PTPN2: variants seen among roughly 807,000 people sequenced by gnomAD.
PTPN2 encodes the protein protein tyrosine phosphatase non-receptor type 2, also known as tyrosine-protein phosphatase non-receptor type 2.
In PTPN2, 19 loss-of-function variants were observed where a neutral mutation model predicts 57.3. The observed-to-expected ratio is 0.33, with a 90% CI of 0.23 to 0.49. The LOEUF (loss-of-function observed/expected upper bound fraction) is 0.49. Ranked by LOEUF, PTPN2 falls within the 20% of genes least tolerant of loss-of-function variation. PTPN2 has a pLI of 0.99. For missense variants in PTPN2, 358 were observed against 501.1 expected, an observed-to-expected ratio of 0.71 and a Z score of 2.73; for synonymous variants, 153 against 164.9, an observed-to-expected ratio of 0.93 and a Z score of 0.55.
chr18:12,872,698 A>T (rs2044311790), intron 1 of PTPN2, among the ~76,000 whole-genome samples: 1 of 151,286 alleles, frequency 6.6e-6, no homozygotes, highest in Non-Finnish European at 1.5e-5. Flanking sequence ...TTGTGCGGAC[A>T]TTTCCTCTCA....
At chr18:12,828,784 T>C (rs1425221903) in intron 4 of PTPN2, among the ~76,000 whole-genome samples, 1 of 152,226 alleles carries the variant, frequency 6.6e-6, no homozygotes, top group Non-Finnish European at 1.5e-5. Context: ...TGCTGTGATC[T>C]TGAAATACTG....
chr18:12,816,669 G>A (rs1399666180), intron 6 of PTPN2, among the ~76,000 whole-genome samples: 1 of 152,164 alleles, frequency 6.6e-6, no homozygotes, highest in African/African-American at 2.4e-5. Context: ...CCTCAGGGGA[G>A]TAACAGTAAT....
downstream of PTPN2, among the ~76,000 whole-genome samples, chr18:12,788,432 C>CTTT (rs71174142): frequency 2.8e-4 from 25 of 90,100 alleles, 3 homozygotes; most frequent in African/African-American, 6.0e-4. Context: ...GGGATCAGGG[C>CTTT]TTTTTTTTTT....
intron 6 of PTPN2, among the ~76,000 whole-genome samples, chr18:12,816,487 GAAGTA>G (rs1428827795): frequency 1.3e-5 from 2 of 152,180 alleles, no homozygotes; most frequent in Admixed American, 6.5e-5. Context: ...ATAAGAGGAA[GAAGTA>G]AAGACAGAAG....
At chr18:12,871,518 T>C (rs995788191) in intron 1 of PTPN2, among the ~76,000 whole-genome samples, 1 of 152,010 alleles carries the variant, frequency 6.6e-6, no homozygotes, top group Non-Finnish European at 1.5e-5. Flanking sequence ...GTTTTTGTTA[T>C]ATATTGAAAA....
At chr18:12,792,139 G>C (rs1276951845), downstream of PTPN2, 1 of 799,550 alleles carries the variant, frequency 1.3e-6, no homozygotes, top group African/African-American at 1.9e-5. Flanking sequence ...TACTGAATCA[G>C]GACACAGGCA....
rs1195849933 is a variant in PTPN2 at position 12,878,640 on chromosome 18, C to T, written c.69+5433G>A. ...TGAGCTGAGATCACACTACTGCACT[C>T]CAGCCTGGGGGACAGAGCAAGACTT... On this transcript the variant is annotated intron_variant, in intron 1 of 8. Transcript: ENST00000309660. Among the ~76,000 whole-genome samples, 4 of 152,250 alleles carry T rather than the reference C, an allele frequency of 2.6e-5. No individual in the cohort carries two copies. In the East Asian group the frequency reaches 7.7e-4, roughly 29 times the overall value.
Position 12,835,382 on chromosome 18 carries a change from C to CTTTTTTTTTTTTTTTTTTTTT in PTPN2, c.261+1408_261+1409insAAAAAAAAAAAAAAAAAAAAA, listed in dbSNP as rs60239177. Among the ~76,000 whole-genome samples, 23 of 99,014 alleles carry CTTTTTTTTTTTTTTTTTTTTT rather than the reference C, an allele frequency of 2.3e-4. 2 individuals are homozygous for CTTTTTTTTTTTTTTTTTTTTT. Among genetic ancestry groups the CTTTTTTTTTTTTTTTTTTTTT allele is most frequent in the African/African-American group, 7.5e-4 (18 of 23,906 alleles). The allele number at this position is 99,014 out of a possible 152,430, so 65.0% of individuals were successfully genotyped here. A position where few individuals can be genotyped will look rare whatever the true frequency, so the allele number is the denominator to read the frequency against. ...CTGCAATGAACATGATCACATATGT[C>CTTTTTTTTTTTTTTTTTTTTT]TTTTTTTTTTTTTTGGACAGTTTTG... On this transcript the variant is annotated intron_variant, in intron 3 of 8. Coordinates refer to ENST00000309660, the MANE Select transcript of PTPN2 (RefSeq NM_002828.4).
At chr18:12,876,439 C>T (rs2044495478) in intron 1 of PTPN2, among the ~76,000 whole-genome samples, 1 of 151,960 alleles carries the variant, frequency 6.6e-6, no homozygotes, top group Admixed American at 6.5e-5. Flanking sequence ...GCACTCCAGC[C>T]TGGGTGACGG....
At chr18:12,839,250 T>C (rs903563060) in intron 2 of PTPN2, among the ~76,000 whole-genome samples, 3 of 152,202 alleles carry the variant, frequency 2.0e-5, no homozygotes, top group African/African-American at 4.8e-5. Flanking sequence ...TTCGAGTTTG[T>C]GAGAGCATAT....
chr18:12,810,383 C>A (rs1256188023), intron 7 of PTPN2, among the ~76,000 whole-genome samples: 1 of 152,100 alleles, frequency 6.6e-6, no homozygotes, highest in Non-Finnish European at 1.5e-5. Context: ...AAGCATTTTC[C>A]ACACTTCACC....
chr18:12,852,083 TCA>T (rs2145446859), intron 2 of PTPN2, among the ~76,000 whole-genome samples: 1 of 152,220 alleles, frequency 6.6e-6, no homozygotes, highest in East Asian at 1.9e-4. Context: ...ATTTAGAGTT[TCA>T]GTTATACAAG....
At chr18:12,843,210 C>A (rs909251128) in intron 2 of PTPN2, among the ~76,000 whole-genome samples, 2 of 152,070 alleles carry the variant, frequency 1.3e-5, no homozygotes, top group African/African-American at 4.8e-5. Flanking sequence ...GCATCCCAGT[C>A]GCCGACAGTC....
At chr18:12,834,566 A>G (rs1021177335) in intron 3 of PTPN2, among the ~76,000 whole-genome samples, 2 of 152,202 alleles carry the variant, frequency 1.3e-5, no homozygotes, top group Non-Finnish European at 2.9e-5. Flanking sequence ...TGCCTGCCAC[A>G]GAGTAGGTCT....
At chr18:12,846,035 T>C (rs904299501) in intron 2 of PTPN2, among the ~76,000 whole-genome samples, 1 of 152,364 alleles carries the variant, frequency 6.6e-6, no homozygotes. Context: ...AGTTGTTTTA[T>C]AGTGTTCCTC....
chr18:12,801,633 T>A (rs901409036), intron 8 of PTPN2, among the ~76,000 whole-genome samples: 3 of 152,192 alleles, frequency 2.0e-5, no homozygotes, highest in Admixed American at 2.0e-4. Flanking sequence ...AGTGGTGGTA[T>A]GTCAGCTCAC....
At chr18:12,788,221 A>C (rs2040890683), downstream of PTPN2, 1 of 154,170 alleles carries the variant, frequency 6.5e-6, no homozygotes, top group Non-Finnish European at 1.5e-5. Context: ...GGTCTGTATA[A>C]AGAAAAAAAT....
chr18:12,872,461 T>A (rs2044300939), intron 1 of PTPN2, among the ~76,000 whole-genome samples: 1 of 152,250 alleles, frequency 6.6e-6, no homozygotes, highest in East Asian at 1.9e-4. Context: ...CATACTGGAT[T>A]TGAAAAGTTA....
chr18:12,833,857 G>A (rs1484154824), intron 3 of PTPN2, among the ~76,000 whole-genome samples: 1 of 152,152 alleles, frequency 6.6e-6, no homozygotes, highest in African/African-American at 2.4e-5. Context: ...AGCTACCTTG[G>A]TAAAAAAGAC....
Sources: gnomAD v4.1 joint callset for allele counts (sites outside exome capture counted in the v4.1 genomes callset) on GRCh38, gnomAD v4.1.1 for gene constraint, MANE v1.5 for transcripts, NCBI Gene and HGNC (gene_info 2026-07-23, HGNC 2026-07-21) for gene names.